The following PM20D2 variants were observed in gnomAD, a reference collection of about 807,000 sequenced individuals.
PM20D2 encodes peptidase M20 domain containing 2.
PM20D2 carries 33 observed loss-of-function variants against 42.9 expected under a neutral mutation model. The observed-to-expected ratio is 0.77, with a 90% confidence interval of 0.58 to 1.03. The LOEUF (loss-of-function observed/expected upper bound fraction) is 1.03. Ranked by LOEUF, PM20D2 falls within the 50% of genes least tolerant of loss-of-function variation. PM20D2 has a pLI of 0.00. For missense variants in PM20D2, 548 were observed against 557.0 expected (o/e 0.98, Z 0.16); for synonymous variants, 250 against 228.2 (o/e 1.10, Z -0.86).
chr6:89,104,228 T>C, the PM20D2 span, among the ~76,000 whole-genome samples: 1 of 20,038 alleles, frequency 5.0e-5, no homozygotes, highest in Non-Finnish European at 1.7e-4. Context: ...ATCACCTTTT[T>C]TTTTTTTTTT....
At chr6:89,118,348 G>C in the PM20D2 span, among the ~76,000 whole-genome samples, 1 of 152,160 alleles carries the variant, frequency 6.6e-6, no homozygotes, top group African/African-American at 2.4e-5. Context: ...AGTGAGAGCC[G>C]CTTTCAACCG....
the PM20D2 span, among the ~76,000 whole-genome samples, chr6:89,130,735 C>G: frequency 6.8e-6 from 1 of 146,562 alleles, no homozygotes; most frequent in East Asian, 2.1e-4. Context: ...GTTAGGATTA[C>G]AGGTGTGAGC....
At chr6:89,113,454 G>A in the PM20D2 span, among the ~76,000 whole-genome samples, 1,948 of 152,196 alleles carry the variant, frequency 0.013, 47 homozygotes, top group African/African-American at 0.042. Context: ...TTATAGGCGT[G>A]AGCCACCGCA....
chr6:89,112,166 T>C, the PM20D2 span, among the ~76,000 whole-genome samples: 5 of 152,078 alleles, frequency 3.3e-5, no homozygotes, highest in African/African-American at 9.7e-5. Flanking sequence ...ACCGCCCGCC[T>C]CGGCCTCCCA....
At chr6:89,138,640 A>C in the PM20D2 span, among the ~76,000 whole-genome samples, 1 of 152,202 alleles carries the variant, frequency 6.6e-6, no homozygotes, top group African/African-American at 2.4e-5. Context: ...AAAGGCGGGC[A>C]GATCACTTGA....
At chr6:89,095,228 A>G in the PM20D2 span, among the ~76,000 whole-genome samples, 1 of 152,164 alleles carries the variant, frequency 6.6e-6, no homozygotes, top group African/African-American at 2.4e-5. Flanking sequence ...AAGAAATTAT[A>G]ATTTTATTTA....
chr6:89,152,396 C>A (rs1770881832), intron 2 of PM20D2, among the ~76,000 whole-genome samples: 1 of 151,912 alleles, frequency 6.6e-6, no homozygotes, highest in Non-Finnish European at 1.5e-5. Flanking sequence ...ATTCAACACG[C>A]AATCCTTTCT....
At chr6:89,102,558 A>G in the PM20D2 span, among the ~76,000 whole-genome samples, 1 of 152,172 alleles carries the variant, frequency 6.6e-6, no homozygotes, top group Admixed American at 6.5e-5. Context: ...TAGGAAGCAA[A>G]ATGAAGAAAA....
chr6:89,099,413 T>TGTGTATATATATACAC, the PM20D2 span, among the ~76,000 whole-genome samples: 4 of 140,032 alleles, frequency 2.9e-5, no homozygotes, highest in African/African-American at 1.1e-4. Context: ...CATATATATA[T>TGTGTATATATATACAC]ACATATATAT....
At chr6:89,099,515 TACAC>T in the PM20D2 span, among the ~76,000 whole-genome samples, 3 of 133,102 alleles carry the variant, frequency 2.3e-5, no homozygotes, top group African/African-American at 5.9e-5. Context: ...TATATATATA[TACAC>T]ACACACACAC....
chr6:89,158,169 T>C (rs1035354455), intron 4 of PM20D2, among the ~76,000 whole-genome samples, 156 bp from the exon 5 acceptor site: 1 of 152,204 alleles, frequency 6.6e-6, no homozygotes, highest in African/African-American at 2.4e-5. Context: ...AAATCTTTTT[T>C]CTTTTTTAAG....
At chr6:89,118,345 G>C in the PM20D2 span, among the ~76,000 whole-genome samples, 11 of 152,304 alleles carry the variant, frequency 7.2e-5, no homozygotes, top group African/African-American at 2.6e-4. Context: ...GTCAGTGAGA[G>C]CCGCTTTCAA....
the PM20D2 span, among the ~76,000 whole-genome samples, chr6:89,094,211 G>A: frequency 3.3e-5 from 5 of 151,322 alleles, no homozygotes; most frequent in South Asian, 6.3e-4. Context: ...ATCAGCCACC[G>A]CACCGGCCTC....
chr6:89,149,701 G>A (rs115528141), intron 2 of PM20D2, among the ~76,000 whole-genome samples: 164 of 152,290 alleles, frequency 1.1e-3, no homozygotes, highest in African/African-American at 3.7e-3. Flanking sequence ...TCTGGTGTCT[G>A]GAAAACATCT....
the PM20D2 span, among the ~76,000 whole-genome samples, chr6:89,135,849 G>A: frequency 1.3e-5 from 2 of 151,226 alleles, no homozygotes; most frequent in Admixed American, 6.6e-5. Flanking sequence ...CATATCTGGT[G>A]ACTAGAAGCA....
the PM20D2 span, among the ~76,000 whole-genome samples, chr6:89,136,241 T>C: frequency 6.6e-6 from 1 of 151,224 alleles, no homozygotes; most frequent in Non-Finnish European, 1.5e-5. Flanking sequence ...AGTATCTTAC[T>C]GACCAAGAGA....
chr6:89,094,239 T>C, the PM20D2 span, among the ~76,000 whole-genome samples: 1 of 150,654 alleles, frequency 6.6e-6, no homozygotes, highest in Non-Finnish European at 1.5e-5. Context: ...TTTTTTATTT[T>C]TTGAGACAAG....
the PM20D2 span, among the ~76,000 whole-genome samples, chr6:89,136,918 T>C: frequency 2.0e-5 from 3 of 151,178 alleles, 1 homozygote; most frequent in African/African-American, 7.4e-5. Context: ...GTTTTCATCT[T>C]ACAGACATGT....
chr6:89,148,701 A>G (rs911550238), intron 1 of PM20D2: 7 of 415,886 alleles, frequency 1.7e-5, no homozygotes, highest in Non-Finnish European at 1.3e-5. Context: ...AGTTTAGGCC[A>G]GAAGATCAGG....
Sources: allele counts gnomAD v4.1 joint callset (sites outside exome capture counted in the v4.1 genomes callset), GRCh38; gene constraint gnomAD v4.1.1; transcripts MANE v1.5; gene names NCBI Gene and HGNC (gene_info 2026-07-23, HGNC 2026-07-21).